CNTNAP2: variants seen among roughly 807,000 people sequenced by gnomAD.
The protein encoded by CNTNAP2 is contactin associated protein 2, also known as contactin-associated protein-like 2.
CNTNAP2 carries 98 observed loss-of-function variants against 155.2 expected under a neutral mutation model. The observed-to-expected ratio is 0.63, with a 90% CI of 0.54 to 0.75. The LOEUF (loss-of-function observed/expected upper bound fraction) is 0.75. Ranked by LOEUF, CNTNAP2 falls within the 30% of genes least tolerant of loss-of-function variation. The pLI is 0.00. For missense variants in CNTNAP2, 1,727 were observed against 1,688.1 expected, an observed-to-expected ratio of 1.02 and a Z score of -0.40; for synonymous variants, 651 against 631.2, an observed-to-expected ratio of 1.03 and a Z score of -0.47.
chr7:148,378,217 G>C lies in CNTNAP2; in HGVS notation c.3476-5432G>C, dbSNP rs536882170. On this transcript the variant is annotated intron_variant, in intron 21 of 23. Transcript: ENST00000361727. ...TTAATTCTAGGAAAGGCACAGTTGC[G>C]GGCCTCTGGCCCATCCGAAGAGAGC... 2.9e-5 allele frequency among the ~76,000 whole-genome samples: 2 copies of C among 67,976 alleles called. 1 individual carries two copies. The highest frequency in any genetic ancestry group is 8.7e-4 in the East Asian group (2 of 2,312). The allele number at this position is 67,976 out of a possible 152,430, so 44.6% of individuals were successfully genotyped here.
At chr7:147,625,565 A>G (rs28817659) in intron 12 of CNTNAP2, among the ~76,000 whole-genome samples, 13,641 of 150,348 alleles carry the variant, frequency 0.091, 1,694 homozygotes, top group African/African-American at 0.26. Context: ...CCAAAAAATT[A>G]TTTTAAAATG....
intron 8 of CNTNAP2, among the ~76,000 whole-genome samples, chr7:147,253,080 C>T (rs1174028811): frequency 6.6e-6 from 1 of 152,118 alleles, no homozygotes; most frequent in Non-Finnish European, 1.5e-5. Flanking sequence ...CTTCAGAGAG[C>T]CTCAGTGGGA....
intron 3 of CNTNAP2, among the ~76,000 whole-genome samples, chr7:146,906,589 G>GT (rs1434461760): frequency 6.6e-6 from 1 of 151,934 alleles, no homozygotes; most frequent in Admixed American, 6.5e-5. Flanking sequence ...GCAGCTGAGG[G>GT]TCCTGTCTGT....
intron 3 of CNTNAP2, among the ~76,000 whole-genome samples, chr7:146,938,066 G>C (rs1169923181): frequency 6.6e-6 from 1 of 152,050 alleles, no homozygotes; most frequent in Non-Finnish European, 1.5e-5. Flanking sequence ...GTCTGAGTTA[G>C]GTACATGACA....
At chr7:147,870,834 T>C (rs958474541) in intron 13 of CNTNAP2, among the ~76,000 whole-genome samples, 1 of 151,974 alleles carries the variant, frequency 6.6e-6, no homozygotes, top group African/African-American at 2.4e-5. Context: ...AGGAGAGACA[T>C]TGTGGATGGC....
chr7:147,328,611 C>T lies in CNTNAP2; in HGVS notation c.1498+28321C>T, dbSNP rs138920397. Among the ~76,000 whole-genome samples, 4 of 152,294 alleles carry T rather than the reference C, an allele frequency of 2.6e-5. No homozygotes were observed. The East Asian group carries it at 7.7e-4, about 29-fold the overall frequency. On this transcript the variant is annotated intron_variant, in intron 9 of 23. Transcript: ENST00000361727. ...TAAACTGATAATTTATCAGCACAGT[C>T]ATTAATGAAGCAAACGGGTTGCACT...
At chr7:147,722,456 G>A (rs559587882) in intron 13 of CNTNAP2, among the ~76,000 whole-genome samples, 4 of 152,114 alleles carry the variant, frequency 2.6e-5, no homozygotes, top group African/African-American at 9.6e-5. Context: ...TCTGGGGTTC[G>A]ACCACAGTTA....
chr7:146,734,496 CACAGAAAATTATCTT>C (rs970106596), intron 1 of CNTNAP2, among the ~76,000 whole-genome samples: 2 of 137,398 alleles, frequency 1.5e-5, no homozygotes, highest in Admixed American at 1.7e-4. Flanking sequence ...GATATTATCA[CACAGAAAATTATCTT>C]ATGTGAGGTT....
chr7:147,677,867 T>C lies in CNTNAP2; in HGVS notation c.2098+38561T>C, dbSNP rs139701616. 3.2e-4 allele frequency among the ~76,000 whole-genome samples: 48 copies of C among 151,946 alleles called. 2 individuals are homozygous for C. The East Asian group carries it at 8.9e-3, about 28-fold the overall frequency. ...TTTCTGGAGTTCCTATCTTGTCTCA[T>C]TGTTCTACACGTCTGTTTTTATGCC... On this transcript the variant is annotated intron_variant, in intron 13 of 23. Transcript: ENST00000361727.
intron 1 of CNTNAP2, among the ~76,000 whole-genome samples, chr7:146,253,893 C>CAAAAA (rs113028868): frequency 0.034 from 4,769 of 142,062 alleles, 232 homozygotes; most frequent in African/African-American, 0.11. Flanking sequence ...CCTGTCACTA[C>CAAAAA]AAAAAAAAAA....
At chr7:147,613,959 C>T (rs1454854133) in intron 12 of CNTNAP2, among the ~76,000 whole-genome samples, 2 of 152,176 alleles carry the variant, frequency 1.3e-5, no homozygotes, top group African/African-American at 2.4e-5. Context: ...GGGTTAAAGA[C>T]AGGGATCTAA....
At chr7:147,286,296 A>C (rs889580106) in intron 8 of CNTNAP2, among the ~76,000 whole-genome samples, 2 of 152,112 alleles carry the variant, frequency 1.3e-5, no homozygotes, top group African/African-American at 4.8e-5. Flanking sequence ...TAGATTTAAG[A>C]AATTGTAATA....
chr7:147,708,864 G>A (rs1396684218), intron 13 of CNTNAP2, among the ~76,000 whole-genome samples: 1 of 152,116 alleles, frequency 6.6e-6, no homozygotes, highest in African/African-American at 2.4e-5. Flanking sequence ...TCTTCTCTGT[G>A]TAAGAGACAC....
intron 12 of CNTNAP2, among the ~76,000 whole-genome samples, chr7:147,621,104 A>G (rs974245822): frequency 3.3e-5 from 5 of 152,146 alleles, no homozygotes; most frequent in Non-Finnish European, 7.4e-5. Context: ...AAAGAAAAAA[A>G]CTTTTACCCT....
intron 3 of CNTNAP2, among the ~76,000 whole-genome samples, chr7:146,890,561 T>G (rs1324537870): frequency 6.6e-6 from 1 of 152,230 alleles, no homozygotes; most frequent in Admixed American, 6.5e-5. Context: ...TGAGTTATAA[T>G]TTATTTTCCA....
chr7:147,398,680 G>A (rs1217709893), intron 10 of CNTNAP2, among the ~76,000 whole-genome samples: 1 of 135,468 alleles, frequency 7.4e-6, no homozygotes, highest in East Asian at 2.1e-4. Flanking sequence ...TTTGAATCAA[G>A]GAAAAAGCAA....
At chr7:148,322,797 GTTT>G (rs71899726) in intron 21 of CNTNAP2, among the ~76,000 whole-genome samples, 218 of 135,510 alleles carry the variant, frequency 1.6e-3, no homozygotes, top group African/African-American at 5.5e-3. Flanking sequence ...GTTTTTTGGG[GTTT>G]TTTTTTTTTT....
intron 1 of CNTNAP2, among the ~76,000 whole-genome samples, chr7:146,721,391 C>CTATATATACTCTATATATATTCTA (rs1229042586): frequency 8.4e-6 from 1 of 118,750 alleles, no homozygotes; most frequent in African/African-American, 3.7e-5. Context: ...TATATACATT[C>CTATATATACTCTATATATATTCTA]TATATACATT....
chr7:146,254,415 C>T (rs1034670574), intron 1 of CNTNAP2, among the ~76,000 whole-genome samples: 1 of 152,168 alleles, frequency 6.6e-6, no homozygotes, highest in East Asian at 1.9e-4. Flanking sequence ...TCGCCACTGC[C>T]TCATTCATAC....
Sources: gnomAD v4.1 joint callset for allele counts (sites outside exome capture counted in the v4.1 genomes callset) on GRCh38, gnomAD v4.1.1 for gene constraint, MANE v1.5 for transcripts, NCBI Gene and HGNC (gene_info 2026-07-23, HGNC 2026-07-21) for gene names.